TAS2R1: variants seen among roughly 807,000 people sequenced by gnomAD.
The protein encoded by TAS2R1 is taste 2 receptor member 1, also known as taste receptor type 2 member 1.
For synonymous variants in TAS2R1, 141 were observed against 134.2 expected, an observed-to-expected ratio of 1.05 and a Z score of -0.35; for missense variants, 370 against 353.4, an observed-to-expected ratio of 1.05 and a Z score of -0.38.
chr5:9,732,058 A>T, the TAS2R1 span, among the ~76,000 whole-genome samples: 2 of 152,228 alleles, frequency 1.3e-5, no homozygotes, highest in Admixed American at 6.5e-5. Flanking sequence ...AAAAATAAGG[A>T]CTGCTATGAT....
intron 1 of TAS2R1, among the ~76,000 whole-genome samples, chr5:9,704,083 A>G (rs913561779): frequency 1.3e-5 from 2 of 152,190 alleles, no homozygotes; most frequent in South Asian, 4.1e-4. Flanking sequence ...TAAACAGGAA[A>G]TATTAATTGG....
chr5:9,715,154 G>A (rs2126535970), upstream of TAS2R1, among the ~76,000 whole-genome samples: 1 of 152,350 alleles, frequency 6.6e-6, no homozygotes, highest in East Asian at 1.9e-4. Flanking sequence ...ACTACAGACT[G>A]AACAAAGTGT....
chr5:9,853,382 T>C, the TAS2R1 span, among the ~76,000 whole-genome samples: 1 of 152,200 alleles, frequency 6.6e-6, no homozygotes, highest in South Asian at 2.1e-4. Context: ...TTTAATTACA[T>C]GCCAATTAAG....
At chr5:9,682,715 T>C (rs191033358) in intron 1 of TAS2R1, among the ~76,000 whole-genome samples, 9 of 152,324 alleles carry the variant, frequency 5.9e-5, no homozygotes, top group Non-Finnish European at 1.3e-4. Flanking sequence ...ATTTTTAGCA[T>C]GAGGCCCTCC....
chr5:9,830,194 T>C, the TAS2R1 span, among the ~76,000 whole-genome samples: 1 of 151,560 alleles, frequency 6.6e-6, no homozygotes, highest in Non-Finnish European at 1.5e-5. Context: ...GATGGATGGA[T>C]GGATGGATGG....
chr5:9,862,408 A>G, the TAS2R1 span, among the ~76,000 whole-genome samples: 2 of 152,160 alleles, frequency 1.3e-5, no homozygotes, highest in Non-Finnish European at 2.9e-5. Flanking sequence ...TAACCTGCAG[A>G]AAAGCAGCCG....
chr5:9,693,236 C>T (rs533889281), intron 1 of TAS2R1, among the ~76,000 whole-genome samples: 7 of 151,740 alleles, frequency 4.6e-5, no homozygotes, highest in East Asian at 3.9e-4. Context: ...TGGCCAGGCG[C>T]GGTGTCTCAT....
chr5:9,900,904 G>A, the TAS2R1 span, among the ~76,000 whole-genome samples: 179 of 152,262 alleles, frequency 1.2e-3, no homozygotes, highest in African/African-American at 4.0e-3. Context: ...TTTAATTTGC[G>A]TGGGGAAGAA....
the TAS2R1 span, among the ~76,000 whole-genome samples, chr5:9,804,437 T>C: frequency 6.6e-6 from 1 of 152,302 alleles, no homozygotes; most frequent in Admixed American, 6.5e-5. Flanking sequence ...AACTGCAGAA[T>C]ATACAATCTA....
the TAS2R1 span, among the ~76,000 whole-genome samples, chr5:9,723,771 C>T: frequency 6.6e-6 from 1 of 152,250 alleles, no homozygotes; most frequent in African/African-American, 2.4e-5. Context: ...ACCTGGCTGG[C>T]ATGATGACCA....
At chr5:9,819,157 C>T in the TAS2R1 span, among the ~76,000 whole-genome samples, 3 of 152,208 alleles carry the variant, frequency 2.0e-5, no homozygotes, top group African/African-American at 7.2e-5. Flanking sequence ...GGAGCTGTAG[C>T]CATTATACAA....
chr5:9,867,331 T>C, the TAS2R1 span: 2 of 152,198 alleles, frequency 1.3e-5, no homozygotes, highest in South Asian at 2.1e-4. Flanking sequence ...AGGTAATTTA[T>C]AAAGGAAAGA....
the TAS2R1 span, among the ~76,000 whole-genome samples, chr5:9,894,391 T>TCAAAAA: frequency 0.013 from 1,910 of 147,178 alleles, 26 homozygotes; most frequent in South Asian, 0.021. Flanking sequence ...AGACTCTGTC[T>TCAAAAA]CAAAAACAAA....
the TAS2R1 span, among the ~76,000 whole-genome samples, chr5:9,847,584 T>G: frequency 6.6e-6 from 1 of 152,204 alleles, no homozygotes; most frequent in Non-Finnish European, 1.5e-5. Context: ...AACAAAAATA[T>G]ACTCTCACCA....
rs138265797 is a variant in TAS2R1, at chr5:9,655,121, C to G, written c.-81+4300G>C. Among the ~76,000 whole-genome samples, 10 of 152,208 alleles carry G rather than the reference C, an allele frequency of 6.6e-5. No homozygotes were observed. The East Asian group carries it at 1.7e-3, about 26-fold the overall frequency. On this transcript the variant is annotated intron_variant, in intron 2 of 2. Transcript: ENST00000506620. ...CAAGTTAACCTATGGTGATAGAAAT[C>G]AGAAGAGGAATGTCCTGAGGCCTGC...
chr5:9,683,742 A>G (rs758919187), intron 1 of TAS2R1, among the ~76,000 whole-genome samples: 16 of 152,194 alleles, frequency 1.1e-4, no homozygotes, highest in Non-Finnish European at 1.9e-4. Context: ...AATAAAAACT[A>G]TCTGATATCC....
chr5:9,870,735 C>A, the TAS2R1 span, among the ~76,000 whole-genome samples: 2 of 152,228 alleles, frequency 1.3e-5, no homozygotes, highest in East Asian at 3.9e-4. Flanking sequence ...TCCAATCCCC[C>A]AGAAAATGGA....
chr5:9,733,660 G>A, the TAS2R1 span, among the ~76,000 whole-genome samples: 21 of 152,236 alleles, frequency 1.4e-4, no homozygotes, highest in African/African-American at 4.1e-4. Context: ...CTTGAAGCTC[G>A]TGTGGAAAAC....
the TAS2R1 span, among the ~76,000 whole-genome samples, chr5:9,857,360 A>G: frequency 2.0e-5 from 3 of 152,228 alleles, no homozygotes; most frequent in African/African-American, 7.2e-5. Context: ...TATCTCAATT[A>G]CCCTGATTTG....
Sources: allele counts gnomAD v4.1 joint callset (sites outside exome capture counted in the v4.1 genomes callset), GRCh38; gene constraint gnomAD v4.1.1; transcripts MANE v1.5; gene names NCBI Gene and HGNC (gene_info 2026-07-23, HGNC 2026-07-21).